SMAD3: variants seen among roughly 807,000 people sequenced by gnomAD.
SMAD3 encodes the protein MAD homolog 3.
In SMAD3, 12 loss-of-function variants were observed where a neutral mutation model predicts 51.8. The observed-to-expected ratio is 0.23, with a 90% confidence interval of 0.15 to 0.38. The LOEUF is 0.38. Among genes scored for constraint, SMAD3 ranks in the 10% least tolerant of loss-of-function variants. The probability of loss-of-function intolerance (pLI) is 1.00; values close to 1 mark genes in which losing one functional copy is unlikely to be tolerated. For synonymous variants in SMAD3, 238 were observed against 227.7 expected, an observed-to-expected ratio of 1.05 and a Z score of -0.41; for missense variants, 294 against 565.6, an observed-to-expected ratio of 0.52 and a Z score of 4.87.
At chr15:67,122,888 T>G (rs1224623583) in intron 1 of SMAD3, among the ~76,000 whole-genome samples, 1 of 152,212 alleles carries the variant, frequency 6.6e-6, no homozygotes, top group Non-Finnish European at 1.5e-5. Flanking sequence ...TCAGTGAATT[T>G]GTTTTAAATA....
chr15:67,109,747 G>C (rs139603542), intron 1 of SMAD3, among the ~76,000 whole-genome samples: 1 of 152,162 alleles, frequency 6.6e-6, no homozygotes, highest in Admixed American at 6.5e-5. Context: ...ATGACCCCGC[G>C]TGCTGCCTGC....
At chr15:67,067,885 C>G (rs1362147470) in intron 1 of SMAD3, among the ~76,000 whole-genome samples, 3 of 152,070 alleles carry the variant, frequency 2.0e-5, no homozygotes, top group African/African-American at 7.2e-5. Flanking sequence ...TTCTGTATTC[C>G]TTCCGTGGGG....
chr15:67,091,291 A>G (rs933199181), intron 1 of SMAD3, among the ~76,000 whole-genome samples: 12 of 152,366 alleles, frequency 7.9e-5, no homozygotes, highest in African/African-American at 2.9e-4. Context: ...GATGGCTTCC[A>G]GGCCAGAGCC....
chr15:67,113,273 G>A lies in SMAD3; in HGVS notation c.206+46913G>A, dbSNP rs1186121836. Among the ~76,000 whole-genome samples, 3 of 144,194 alleles carry A rather than the reference G, an allele frequency of 2.1e-5. 1 individual carries two copies. The highest frequency in any genetic ancestry group is 4.5e-5 in the Non-Finnish European group (3 of 66,598). The allele number at this position is 144,194 out of a possible 152,430, so 94.6% of individuals were successfully genotyped here. ...GGCCAATTTTTTTTTTGTATTTTTA[G>A]TAGAGACGAGGTTTCACCGTGTTAG... On this transcript the variant is annotated intron_variant, in intron 1 of 8. Transcript: ENST00000327367.
At chr15:67,067,051 C>A (rs1205453177) in intron 1 of SMAD3, among the ~76,000 whole-genome samples, 1 of 152,148 alleles carries the variant, frequency 6.6e-6, no homozygotes, top group African/African-American at 2.4e-5. Context: ...AAAATAGGGT[C>A]TTCTCCCACC....
intron 1 of SMAD3, among the ~76,000 whole-genome samples, chr15:67,106,396 GT>G (rs1439106622): frequency 2.0e-5 from 3 of 152,216 alleles, no homozygotes; most frequent in African/African-American, 7.2e-5. Flanking sequence ...TGTCCCCATA[GT>G]TTTCAGCTGG....
intron 1 of SMAD3, among the ~76,000 whole-genome samples, chr15:67,098,088 A>G (rs1219026645): frequency 6.6e-6 from 1 of 152,206 alleles, no homozygotes; most frequent in Non-Finnish European, 1.5e-5. Flanking sequence ...GATGAGACCC[A>G]GCTGAGATGA....
intron 4 of SMAD3, among the ~76,000 whole-genome samples, chr15:67,168,249 T>G (rs1194259349): frequency 6.6e-6 from 1 of 152,328 alleles, no homozygotes; most frequent in East Asian, 1.9e-4. Flanking sequence ...TGGCTGAGGT[T>G]GTGCAATTCC....
In SMAD3 at chr15:67,192,665, C is replaced by T. The variant is rs1277129259; in HGVS notation, c.*2129C>T. The T allele has an allele frequency of 4.3e-6, 1 of 233,294 alleles. No homozygotes were observed. The highest frequency in any genetic ancestry group is 8.5e-6 in the Non-Finnish European group (1 of 117,966). The allele number at this position is 233,294 out of a possible 1,614,324, so 14.5% of individuals were successfully genotyped here. On this transcript the variant is annotated 3_prime_UTR_variant, in exon 9 of 9. Coordinates refer to ENST00000327367, the MANE Select transcript of SMAD3 (RefSeq NM_005902.4). ...ACGATCCTATGAGGGCTTCCTGTGG[C>T]ACACAGCCCTCTGGGTGCTTGGGAA...
At chr15:67,099,383 A>C (rs1027797320) in intron 1 of SMAD3, among the ~76,000 whole-genome samples, 2 of 152,196 alleles carry the variant, frequency 1.3e-5, no homozygotes, top group Non-Finnish European at 2.9e-5. Context: ...TACTGGGAAA[A>C]CCATTTAAAG....
intron 1 of SMAD3, among the ~76,000 whole-genome samples, chr15:67,136,831 A>C (rs1362338653): frequency 1.3e-5 from 2 of 152,218 alleles, no homozygotes; most frequent in Non-Finnish European, 2.9e-5. Flanking sequence ...AGGGCAGAGG[A>C]TGGAGATCCC....
chr15:67,077,515 A>G (rs1460587145), intron 1 of SMAD3, among the ~76,000 whole-genome samples: 1 of 152,246 alleles, frequency 6.6e-6, no homozygotes, highest in Non-Finnish European at 1.5e-5. Flanking sequence ...TACCAGAGAT[A>G]TAGAGATGAA....
intron 3 of SMAD3, chr15:67,165,918 C>T (rs1359623063): frequency 6.1e-6 from 1 of 164,954 alleles, no homozygotes; most frequent in Non-Finnish European, 1.3e-5. Context: ...TTTAGAAGCC[C>T]CTCATTTACA....
chr15:67,122,750 G>A (rs941376498), intron 1 of SMAD3, among the ~76,000 whole-genome samples: 1 of 152,196 alleles, frequency 6.6e-6, no homozygotes. Flanking sequence ...TAAGGAATAG[G>A]GCTTTGGGAT....
intron 5 of SMAD3, among the ~76,000 whole-genome samples, chr15:67,179,826 G>A (rs1322285417): frequency 6.6e-6 from 1 of 152,072 alleles, no homozygotes; most frequent in African/African-American, 2.4e-5. Context: ...TGGGCATGGG[G>A]AGCGTCTCCT....
chr15:67,142,495 G>T (rs989335880), intron 1 of SMAD3, among the ~76,000 whole-genome samples: 1 of 152,096 alleles, frequency 6.6e-6, no homozygotes, highest in Non-Finnish European at 1.5e-5. Flanking sequence ...TCCCACCTTT[G>T]TTTCTCCCCT....
chr15:67,082,009 C>G (rs930728351), intron 1 of SMAD3, among the ~76,000 whole-genome samples: 1 of 151,924 alleles, frequency 6.6e-6, no homozygotes, highest in Non-Finnish European at 1.5e-5. Context: ...CACCAACTTA[C>G]TGATTAATGT....
intron 8 of SMAD3, among the ~76,000 whole-genome samples, chr15:67,188,657 A>G (rs1963286083): frequency 6.6e-6 from 1 of 152,162 alleles, no homozygotes; most frequent in Admixed American, 6.5e-5. Context: ...AGAGGTGCCC[A>G]CATGTCAGCT....
intron 5 of SMAD3, among the ~76,000 whole-genome samples, chr15:67,180,046 G>T (rs1263409184): frequency 6.6e-6 from 1 of 152,192 alleles, no homozygotes. Context: ...GGAAGAGCGA[G>T]AATGAGCAGG....
Sources: gnomAD v4.1 joint callset for allele counts (sites outside exome capture counted in the v4.1 genomes callset) on GRCh38, gnomAD v4.1.1 for gene constraint, MANE v1.5 for transcripts, NCBI Gene and HGNC (gene_info 2026-07-23, HGNC 2026-07-21) for gene names.